Variants in NKAIN3 observed in about 807,000 individuals in gnomAD.
The protein encoded by NKAIN3 is sodium/potassium-transporting ATPase subunit beta-1-interacting protein 3.
Under a neutral mutation model 30.2 loss-of-function variants are expected in NKAIN3, and 25 were observed. The observed-to-expected ratio is 0.83, with a 90% CI of 0.60 to 1.16. The LOEUF is 1.16. Among genes scored for constraint, NKAIN3 ranks in the 50% most tolerant of loss-of-function variants. The pLI is 0.00. For synonymous variants in NKAIN3, 91 were observed against 89.6 expected (o/e 1.02, Z -0.09); for missense variants, 225 against 254.1 (o/e 0.89, Z 0.78).
chr8:62,938,227 C>T (rs1238919076), intron 5 of NKAIN3, among the ~76,000 whole-genome samples: 2 of 152,070 alleles, frequency 1.3e-5, no homozygotes, highest in Admixed American at 1.3e-4. Flanking sequence ...AAGTTTGTAT[C>T]CTCCCTATAC....
intron 1 of NKAIN3, among the ~76,000 whole-genome samples, chr8:62,425,233 T>A (rs1301346281): frequency 6.6e-6 from 1 of 151,856 alleles, no homozygotes; most frequent in Non-Finnish European, 1.5e-5. Flanking sequence ...GTTAACAATA[T>A]GCACCATACA....
intron 3 of NKAIN3, among the ~76,000 whole-genome samples, chr8:62,699,078 G>A (rs142078677): frequency 2.6e-5 from 4 of 152,020 alleles, no homozygotes; most frequent in South Asian, 4.1e-4. Context: ...TTAGAAACAC[G>A]CTGGCTTTCT....
Position 62,508,947 on chromosome 8 carries a change from G to C in NKAIN3, c.55-70592G>C, listed in dbSNP as rs745361879. ...ACAGGTTTCTAAAACAGTGTCTTTT[G>C]GGAATCCAGTGACTTCTCTACGTAG... On this transcript the variant is annotated intron_variant, in intron 1 of 6. Transcript: ENST00000623646. Among the ~76,000 whole-genome samples, 243 of 139,652 alleles carry C rather than the reference G, an allele frequency of 1.7e-3. 1 individual carries two copies. The highest frequency in any genetic ancestry group is 2.6e-3 in the Non-Finnish European group (170 of 64,406). The allele number at this position is 139,652 out of a possible 152,430, so 91.6% of individuals were successfully genotyped here. A position where few individuals can be genotyped will look rare whatever the true frequency, so the allele number is the denominator to read the frequency against.
chr8:62,575,661 A>G (rs985137533), intron 1 of NKAIN3, among the ~76,000 whole-genome samples: 5 of 152,160 alleles, frequency 3.3e-5, no homozygotes, highest in Non-Finnish European at 5.9e-5. Context: ...ATCCAAAGCT[A>G]TCCTTAACAA....
chr8:62,427,530 A>C (rs1804844614), intron 1 of NKAIN3, among the ~76,000 whole-genome samples: 1 of 152,034 alleles, frequency 6.6e-6, no homozygotes. Context: ...TAGGTACAAA[A>C]TAACCATAAG....
At position 62,977,243 on chromosome 8, in the gene NKAIN3, T is replaced by G. The variant is rs1309956384; in HGVS notation, c.*11836T>G. 2.6e-5 allele frequency among the ~76,000 whole-genome samples: 4 copies of G among 152,204 alleles called. No individual in the cohort carries two copies. Among genetic ancestry groups the G allele is most frequent in the African/African-American group, 9.7e-5 (4 of 41,450 alleles). On this transcript the variant is annotated 3_prime_UTR_variant, in exon 7 of 7. Transcript: ENST00000623646. ...GTATTCTGTATTTCCTAAGCCTGCCTTGCGAGGTTGGGGAAGTTCTCCTGG... is the reference window on the plus strand; with the variant it reads ...GTATTCTGTATTTCCTAAGCCTGCCGTGCGAGGTTGGGGAAGTTCTCCTGG...
At chr8:62,877,973 G>A (rs1820850471) in intron 4 of NKAIN3, among the ~76,000 whole-genome samples, 1 of 150,382 alleles carries the variant, frequency 6.6e-6, no homozygotes, top group Non-Finnish European at 1.5e-5. Context: ...CCGAGAGGCA[G>A]AGGTTGTGGT....
intron 3 of NKAIN3, among the ~76,000 whole-genome samples, chr8:62,617,785 A>G (rs950839986): frequency 3.9e-5 from 6 of 152,198 alleles, no homozygotes; most frequent in Non-Finnish European, 8.8e-5. Flanking sequence ...AATGGAAAAA[A>G]AGAAAATGGG....
chr8:62,667,544 T>C (rs1813165089), intron 3 of NKAIN3, among the ~76,000 whole-genome samples: 1 of 151,718 alleles, frequency 6.6e-6, no homozygotes, highest in Non-Finnish European at 1.5e-5. Flanking sequence ...TCATCCTCGA[T>C]TCAAGACAAC....
intron 4 of NKAIN3, among the ~76,000 whole-genome samples, chr8:62,751,794 C>T (rs1034776449): frequency 2.0e-5 from 3 of 147,892 alleles, no homozygotes; most frequent in Admixed American, 6.7e-5. Flanking sequence ...AGCTATTATA[C>T]ACAATGTTAT....
chr8:62,885,232 T>C (rs961072038), intron 4 of NKAIN3, among the ~76,000 whole-genome samples: 3 of 152,250 alleles, frequency 2.0e-5, no homozygotes, highest in African/African-American at 7.2e-5. Context: ...TGAGGCTTCT[T>C]CTTTGACTCA....
chr8:62,491,291 A>G (rs1463096856), intron 1 of NKAIN3, among the ~76,000 whole-genome samples: 2 of 152,190 alleles, frequency 1.3e-5, no homozygotes, highest in East Asian at 1.9e-4. Flanking sequence ...CAGATACACT[A>G]CAAATAGATC....
chr8:62,273,808 A>G (rs1812845900), intron 1 of NKAIN3, among the ~76,000 whole-genome samples: 1 of 152,204 alleles, frequency 6.6e-6, no homozygotes, highest in Admixed American at 6.6e-5. Context: ...CCTTTGTAGC[A>G]TGAATATGTA....
chr8:62,271,160 C>G (rs982339568), intron 1 of NKAIN3, among the ~76,000 whole-genome samples: 1 of 152,150 alleles, frequency 6.6e-6, no homozygotes, highest in Non-Finnish European at 1.5e-5. Context: ...ATCTAAGTGG[C>G]TCTGCATTCT....
At chr8:62,997,710 G>C (rs908051715) in intron 5 of NKAIN3, among the ~76,000 whole-genome samples, 4 of 151,234 alleles carry the variant, frequency 2.6e-5, no homozygotes, top group Non-Finnish European at 5.9e-5. Flanking sequence ...TTTAATTAGG[G>C]CTATTATTAG....
At chr8:62,849,823 A>T (rs1819826646) in intron 4 of NKAIN3, among the ~76,000 whole-genome samples, 1 of 151,972 alleles carries the variant, frequency 6.6e-6, no homozygotes, top group Admixed American at 6.6e-5. Flanking sequence ...CATGGTGTAT[A>T]TGTGCCACAT....
chr8:62,998,525 T>A (rs1281534581), intron 5 of NKAIN3, among the ~76,000 whole-genome samples: 2 of 152,318 alleles, frequency 1.3e-5, no homozygotes, highest in East Asian at 1.9e-4. Context: ...TCCACCTGCC[T>A]CGGCCTCCCA....
At chr8:62,559,692 C>G (rs955061025) in intron 1 of NKAIN3, among the ~76,000 whole-genome samples, 3 of 151,978 alleles carry the variant, frequency 2.0e-5, no homozygotes, top group African/African-American at 4.8e-5. Context: ...CTTTACATCT[C>G]TTTGCTTCCT....
At chr8:62,592,476 T>C (rs546270555) in intron 3 of NKAIN3, among the ~76,000 whole-genome samples, 121 of 152,024 alleles carry the variant, frequency 8.0e-4, no homozygotes, top group Non-Finnish European at 1.3e-3. Flanking sequence ...ACCACTCCCA[T>C]AGAGTAACCA....
Sources: gnomAD v4.1 joint callset for allele counts (sites outside exome capture counted in the v4.1 genomes callset) on GRCh38, gnomAD v4.1.1 for gene constraint, MANE v1.5 for transcripts, NCBI Gene and HGNC (gene_info 2026-07-23, HGNC 2026-07-21) for gene names.